Variants in COL28A1 observed in about 807,000 individuals in gnomAD.
COL28A1 encodes collagen type XXVIII alpha 1 chain, also known as collagen alpha-1(XXVIII) chain.
Under a neutral mutation model 150.2 loss-of-function variants are expected in COL28A1, and 161 were observed. The observed-to-expected ratio is 1.07, with a 90% CI of 0.94 to 1.22. The LOEUF (loss-of-function observed/expected upper bound fraction) is 1.22, where lower values mean the gene tolerates loss of function less well. Among genes scored for constraint, COL28A1 ranks in the 50% most tolerant of loss-of-function variants. The pLI is 0.00. For missense variants in COL28A1, 1,617 were observed against 1,388.3 expected, an observed-to-expected ratio of 1.16 and a Z score of -2.62; for synonymous variants, 552 against 469.7, an observed-to-expected ratio of 1.18 and a Z score of -2.26.
At chr7:7,492,295 C>T (rs1359775109) in intron 11 of COL28A1, among the ~76,000 whole-genome samples, 1 of 151,892 alleles carries the variant, frequency 6.6e-6, no homozygotes, top group Non-Finnish European at 1.5e-5. Context: ...AAGTCTGTAA[C>T]CGATGTGGTG....
intron 4 of COL28A1, among the ~76,000 whole-genome samples, chr7:7,523,482 T>C (rs1021913433): frequency 2.0e-5 from 3 of 151,824 alleles, no homozygotes; most frequent in Non-Finnish European, 2.9e-5. Flanking sequence ...TTCTTAATGG[T>C]ACATAACATA....
the COL28A1 span, among the ~76,000 whole-genome samples, chr7:7,341,513 T>G: frequency 6.6e-6 from 1 of 152,074 alleles, no homozygotes; most frequent in Non-Finnish European, 1.5e-5. Context: ...TAGGCTCAAG[T>G]GATCCTCCCA....
chr7:7,457,595 G>A (rs577722979), intron 15 of COL28A1, among the ~76,000 whole-genome samples: 2 of 152,234 alleles, frequency 1.3e-5, no homozygotes, highest in South Asian at 4.2e-4. Flanking sequence ...GTATATAAAT[G>A]ATATTAAAGG....
chr7:7,505,941 A>C (rs1780784662), intron 11 of COL28A1, 73 bp downstream of exon 11: 5 of 830,346 alleles, frequency 6.0e-6, no homozygotes, highest in Non-Finnish European at 8.5e-6. Flanking sequence ...ACTTTTACCT[A>C]ATAAAACATA....
intron 11 of COL28A1, 44 bp downstream of exon 11, chr7:7,505,970 G>A (rs902393305): frequency 7.6e-6 from 7 of 917,872 alleles, no homozygotes; most frequent in Non-Finnish European, 1.1e-5. Context: ...TAGCGCACTA[G>A]GGGAAAGGCA....
At position 7,531,784 on chromosome 7, in the gene COL28A1, G is replaced by A. The variant is rs1383587305; in HGVS notation, c.245C>T (p.Thr82Ile). ...GTCATATTCCAAGGAGCGACCAGGA[G>A]TCAATTGGAAAATCTTGTCACTCAA... ...DSLSDKIFQL[T>I]PGRSLEYDIK... Residue 82 changes from threonine (T) to isoleucine (I), a missense_variant, in exon 3 of 35, where the codon ACT becomes ATT. By Grantham distance (89) the Thr-to-Ile change is moderately conservative. Coordinates refer to ENST00000399429, the MANE Select transcript of COL28A1 (RefSeq NM_001037763.3). 3.1e-6 allele frequency: 5 copies of A among 1,605,616 alleles called. No homozygotes were observed. Among genetic ancestry groups the A allele is most frequent in the Non-Finnish European group, 4.3e-6 (5 of 1,172,414 alleles).
intron 25 of COL28A1, among the ~76,000 whole-genome samples, chr7:7,431,968 G>A (rs182793389): frequency 3.3e-5 from 5 of 152,306 alleles, no homozygotes; most frequent in African/African-American, 1.2e-4. Flanking sequence ...GAGCATGGAA[G>A]AGCCATTTGC....
the COL28A1 span, among the ~76,000 whole-genome samples, chr7:7,344,812 C>T: frequency 6.6e-6 from 1 of 152,116 alleles, no homozygotes; most frequent in African/African-American, 2.4e-5. Flanking sequence ...CTGCATTAAA[C>T]TGCTGCAATC....
chr7:7,413,555 A>C (rs758065167), intron 27 of COL28A1, among the ~76,000 whole-genome samples: 10 of 152,192 alleles, frequency 6.6e-5, no homozygotes, highest in Non-Finnish European at 8.8e-5. Flanking sequence ...GTCCTGGCCA[A>C]GAGTTTATGA....
chr7:7,494,402 T>C (rs563159257), intron 11 of COL28A1, among the ~76,000 whole-genome samples: 2 of 152,278 alleles, frequency 1.3e-5, no homozygotes, highest in South Asian at 4.2e-4. Flanking sequence ...TTTGAATCAT[T>C]TGGTCTTGTA....
At position 7,380,799 on chromosome 7, in the gene COL28A1, C is replaced by T; in HGVS notation, c.2269G>A (p.Gly757Arg). Residue 757 changes from glycine to arginine, a missense_variant, in exon 29 of 35, where the codon GGA becomes AGA. Gly to Arg is a moderately radical substitution (Grantham distance 125). Transcript: ENST00000399429. ...CTACTTGCCTGTTTTCCTGGAGATCCAGGCTCTCCAATTTCTCCTTTATCA... is the reference window on the plus strand; with the variant it reads ...CTACTTGCCTGTTTTCCTGGAGATCTAGGCTCTCCAATTTCTCCTTTATCA... ...KGDKGEIGEP[G>R]SPGKQGLQGP... is the part of the protein sequence containing the mutation. 6.2e-7 allele frequency: 1 copy of T among 1,613,994 alleles called. No individual in the cohort carries two copies. Among genetic ancestry groups the T allele is most frequent in the Non-Finnish European group, 8.5e-7 (1 of 1,179,912 alleles).
intron 11 of COL28A1, among the ~76,000 whole-genome samples, chr7:7,494,964 G>A (rs1342037307): frequency 2.0e-5 from 3 of 152,208 alleles, no homozygotes. Context: ...GGCTTAAAAT[G>A]GTGTTAAATA....
Position 7,440,943 on chromosome 7 carries a change from G to A in COL28A1, c.1651-82C>T, listed in dbSNP as rs1169614775. ...ATCTAGCAAGGACCATAGCGGAGCC[G>A]GATTCTCGACTAATACCAATTTTAA... On this transcript the variant is annotated intron_variant, in intron 20 of 34. Coordinates refer to ENST00000399429, the MANE Select transcript of COL28A1 (RefSeq NM_001037763.3). The A allele has an allele frequency of 3.5e-5, 25 of 715,470 alleles. 1 individual carries two copies. Among genetic ancestry groups the A allele is most frequent in the South Asian group, 1.9e-4 (11 of 58,688 alleles). The allele number at this position is 715,470 out of a possible 1,614,324, so 44.3% of individuals were successfully genotyped here.
intron 33 of COL28A1, 52 bp downstream of exon 33, chr7:7,370,673 C>T: frequency 6.8e-7 from 1 of 1,465,718 alleles, no homozygotes; most frequent in Non-Finnish European, 9.4e-7. Context: ...TGATATGAAA[C>T]AGAGAGAATA....
At chr7:7,381,763 A>T (rs986341432) in intron 27 of COL28A1, 151 bp from the exon 28 acceptor site, 3 of 539,274 alleles carry the variant, frequency 5.6e-6, no homozygotes, top group African/African-American at 1.9e-5. Flanking sequence ...ATAAATACAT[A>T]TGTGTATGTG....
chr7:7,352,201 T>C (rs756917849), downstream of COL28A1, among the ~76,000 whole-genome samples: 4 of 152,202 alleles, frequency 2.6e-5, no homozygotes, highest in African/African-American at 4.8e-5. Flanking sequence ...ATGACTTTTA[T>C]ACAATGAGTT....
At chr7:7,522,109 G>A in intron 4 of COL28A1, 148 bp from the exon 5 acceptor site, 1 of 694,030 alleles carries the variant, frequency 1.4e-6, no homozygotes, top group East Asian at 2.7e-5. Context: ...TAACCAACTG[G>A]AGCACTCTCA....
rs145586912 is a variant in COL28A1 at position 7,517,124 on chromosome 7, A to T, written c.855+672T>A. On this transcript the variant is annotated intron_variant, in intron 7 of 34. Transcript: ENST00000399429. Reference sequence around the variant, plus strand: ...TTCAGATTTTTTGTTGACATTACTAAACTTTCTATCAGATTTTTTAATGAA... The same window carrying T: ...TTCAGATTTTTTGTTGACATTACTATACTTTCTATCAGATTTTTTAATGAA... Among the ~76,000 whole-genome samples the T allele has an allele frequency of 8.4e-3, 1,273 of 152,224 alleles. 23 individuals carry two copies. Among genetic ancestry groups the T allele is most frequent in the African/African-American group, 0.029 (1,216 of 41,520 alleles).
chr7:7,513,772 C>T (rs1781275712), intron 8 of COL28A1, among the ~76,000 whole-genome samples: 1 of 152,152 alleles, frequency 6.6e-6, no homozygotes, highest in African/African-American at 2.4e-5. Flanking sequence ...GCTATAGGGG[C>T]CTGAGGAACA....
Sources: allele counts gnomAD v4.1 joint callset (sites outside exome capture counted in the v4.1 genomes callset), GRCh38; gene constraint gnomAD v4.1.1; transcripts MANE v1.5; gene names NCBI Gene and HGNC (gene_info 2026-07-23, HGNC 2026-07-21).